GIGYF1: variants seen among roughly 807,000 people sequenced by gnomAD.
The protein encoded by GIGYF1 is GRB10 interacting GYF protein 1.
GIGYF1 carries 84 observed loss-of-function variants against 147.1 expected under a neutral mutation model. The observed-to-expected ratio is 0.57, with a 90% CI of 0.48 to 0.68. The LOEUF (loss-of-function observed/expected upper bound fraction) is 0.68. Among genes scored for constraint, GIGYF1 ranks in the 30% least tolerant of loss-of-function variants. The pLI is 0.00. For synonymous variants in GIGYF1, 752 were observed against 589.5 expected, an observed-to-expected ratio of 1.28 and a Z score of -3.99; for missense variants, 1,485 against 1,393.7, an observed-to-expected ratio of 1.07 and a Z score of -1.04.
rs756344119 is a variant in GIGYF1, at chr7:100,683,986, C to T, written c.1868+34G>A. The T allele has an allele frequency of 5.0e-6, 8 of 1,588,536 alleles. No individual in the cohort carries two copies. In the African/African-American group the frequency reaches 1.1e-4, roughly 21 times the overall value. ...CTGGTCTGCCCCCATCCCCCCCCCA[C>T]CCTGTATCCTGAGGGCTCGCACGCA... On this transcript the variant is annotated intron_variant, in intron 18 of 26. Coordinates refer to ENST00000678049, the MANE Select transcript of GIGYF1 (RefSeq NM_001375765.1).
In GIGYF1 at chr7:100,688,212, C is replaced by A. The variant is rs150145499; in HGVS notation, c.27G>T (p.Gly9=). 1 of 1,612,648 alleles carries A rather than the reference C, an allele frequency of 6.2e-7. No individual in the cohort carries two copies. The highest frequency in any genetic ancestry group is 1.3e-5 in the African/African-American group (1 of 74,694). The change falls in exon 4 of 27, where the codon GGG becomes GGT. Residue 9 remains glycine, a synonymous_variant. Coordinates refer to ENST00000678049, the MANE Select transcript of GIGYF1 (RefSeq NM_001375765.1). The stretch of plus-strand genomic sequence containing the variant: ...AGGCACAAGTGACTCACCACTCAGG[C>A]CCAAAGTTGAGTGTCTCTGCTGCCA... MAAETLNF[G]PEWLRALSGG...
At chr7:100,691,857 G>A (rs1805855394) in intron 1 of GIGYF1, among the ~76,000 whole-genome samples, 1 of 152,254 alleles carries the variant, frequency 6.6e-6, no homozygotes, top group Admixed American at 6.5e-5. Context: ...GCGAGGACAC[G>A]CTGGGCCCGG....
At chr7:100,682,560 C>A in intron 23 of GIGYF1, 30 bp downstream of exon 23, 1 of 1,591,272 alleles carries the variant, frequency 6.3e-7, no homozygotes. Context: ...CCCTCAGGGC[C>A]ATCCCGGAGC....
At position 100,682,592 on chromosome 7, in the gene GIGYF1, G is replaced by A; in HGVS notation, c.2598C>T (p.Leu866=). Residue 866 remains leucine (L), a splice_region_variant and synonymous_variant, in exon 23 of 27, where the codon CTC becomes CTT. Transcript: ENST00000678049. ...GAGCCTCCAGGTGCCACGCCCACCT[G>A]AGAGATGGGCTGCTCCGGCTGTTCT... ...GLKNSRSSPS[L]SDSYSHLSGR... 6.3e-7 allele frequency: 1 copy of A among 1,596,586 alleles called. No homozygotes were observed. The highest frequency in any genetic ancestry group is 8.5e-7 in the Non-Finnish European group (1 of 1,174,706).
At position 100,687,404 on chromosome 7, in the gene GIGYF1, G is replaced by A. The variant is rs1194643598; in HGVS notation, c.376C>T (p.Arg126Cys). Residue 126 changes from arginine (R) to cysteine (C), a missense_variant and splice_region_variant, in exon 8 of 27, where the codon CGC (arginine) becomes TGC (cysteine). By Grantham distance (180) the Arg-to-Cys change is radical. Transcript: ENST00000678049. Reference protein sequence around the residue: ...RGRGSTRSRGRGRGDSCFYQR... With the variant: ...RGRGSTRSRGCGRGDSCFYQR... ...TAAAAGCAGCTGTCACCACGGCCGC[G>A]GCCTAGAGAAGAGGCCAGACGCACA... 10 of 1,613,264 alleles carry A rather than the reference G, an allele frequency of 6.2e-6. No individual in the cohort carries two copies. The highest frequency in any genetic ancestry group is 1.6e-4 in the Middle Eastern group (1 of 6,062).
intron 22 of GIGYF1, 100 bp downstream of exon 22, chr7:100,682,904 AGAGGCTGG>A: frequency 3.1e-6 from 4 of 1,272,264 alleles, no homozygotes; most frequent in Non-Finnish European, 4.2e-6. Flanking sequence ...CCATCACAGG[AGAGGCTGG>A]GACTGGGGCT....
chr7:100,682,371 C>A lies in GIGYF1; in HGVS notation c.2712G>T (p.Gln904His). The change falls in exon 24 of 27, where the codon CAG becomes CAT. Residue 904 changes from glutamine (Q) to histidine (H), a missense_variant. Gln to His is a conservative substitution (Grantham distance 24). Transcript: ENST00000678049. ...GIPRPQDGFT[Q>H]WCEQMLHTLS... is the part of the protein sequence containing the mutation. ...GCGTGTGCAGCATCTGCTCGCACCA[C>A]TGGGTGAAGCCGTCCTGGGGCCTGG... The A allele has an allele frequency of 6.2e-7, 1 of 1,613,610 alleles. No individual in the cohort carries two copies. The highest frequency in any genetic ancestry group is 8.5e-7 in the Non-Finnish European group (1 of 1,179,958).
In GIGYF1 at chr7:100,681,516, TAAA is replaced by T; in HGVS notation, c.*200_*202del. The T allele has an allele frequency of 2.5e-6, 1 of 399,948 alleles. No homozygotes were observed. The highest frequency in any genetic ancestry group is 3.7e-5 in the East Asian group (1 of 27,280). 24.8% of individuals were successfully genotyped at this position (399,948 alleles called of 1,614,324 possible). On this transcript the variant is annotated 3_prime_UTR_variant, in exon 27 of 27. Coordinates refer to ENST00000678049, the MANE Select transcript of GIGYF1 (RefSeq NM_001375765.1). ...AGTCGTTTAAAATTAAAAAAAAAAA[TAAA>T]AAGAAAAACCCCCTCCCCCAGTCTG... is the stretch of plus-strand genomic sequence containing the variant.
rs1208855250 is a variant in GIGYF1, at chr7:100,683,635, G to A, written c.1970-3C>T. On this transcript the variant is annotated splice_polypyrimidine_tract_variant and splice_region_variant and intron_variant, in intron 19 of 26. Transcript: ENST00000678049. ...GTCCCAAAGACTGGCCTCACCACCTGCAGGGGGCAGGGGGGCAGAGGCGGC... is the reference window on the plus strand; with the variant it reads ...GTCCCAAAGACTGGCCTCACCACCTACAGGGGGCAGGGGGGCAGAGGCGGC... 1 of 1,613,544 alleles carries A rather than the reference G, an allele frequency of 6.2e-7. No homozygotes were observed. The highest frequency in any genetic ancestry group is 8.5e-7 in the Non-Finnish European group (1 of 1,179,516).
rs1215250966 is a variant in GIGYF1, at chr7:100,680,101, G to GT, written c.*1617dup. On this transcript the variant is annotated 3_prime_UTR_variant, in exon 27 of 27. Transcript: ENST00000678049. ...CACTGTGGGAACCAGGGAGAGGCAG[G>GT]TGGGGGCCCCCCACCCCGAGGCCAG... 6.6e-6 allele frequency: 1 copy of GT among 151,616 alleles called. No individual in the cohort carries two copies. The highest frequency in any genetic ancestry group is 1.5e-5 in the Non-Finnish European group (1 of 67,908). 9.4% of individuals were successfully genotyped at this position (151,616 alleles called of 1,614,324 possible). A position where few individuals can be genotyped will look rare whatever the true frequency, so the allele number is the denominator to read the frequency against.
rs752520619 is a variant in GIGYF1, at chr7:100,686,095, G to A, written c.949-16C>T. ...TGGGGCCCTTCTGCATGGGGCCGGG[G>A]TGGGGAGCAGAGAACAGCTGGGGTG... On this transcript the variant is annotated splice_polypyrimidine_tract_variant and intron_variant, in intron 11 of 26. Coordinates refer to ENST00000678049, the MANE Select transcript of GIGYF1 (RefSeq NM_001375765.1). The A allele has an allele frequency of 1.2e-6, 2 of 1,611,274 alleles. No homozygotes were observed. The highest frequency in any genetic ancestry group is 1.3e-5 in the African/African-American group (1 of 74,812).
chr7:100,682,303 C>T lies in GIGYF1; in HGVS notation c.2761+19G>A, dbSNP rs753217476. On this transcript the variant is annotated intron_variant, in intron 24 of 26. Transcript: ENST00000678049. ...TGGAGACCCAGGTCCCGCCCACCTCCTGGGAGCCGCTCGCCCACCGTCCAG... is the reference window on the plus strand; with the variant it reads ...TGGAGACCCAGGTCCCGCCCACCTCTTGGGAGCCGCTCGCCCACCGTCCAG... The T allele has an allele frequency of 3.1e-6, 5 of 1,609,854 alleles. No homozygotes were observed. The South Asian group carries it at 5.5e-5, about 18-fold the overall frequency.
At position 100,686,444 on chromosome 7, in the gene GIGYF1, A is replaced by G. The variant is rs755061103; in HGVS notation, c.695-11T>C. The G allele has an allele frequency of 1.1e-5, 17 of 1,574,126 alleles. No individual in the cohort carries two copies. Among genetic ancestry groups the G allele is most frequent in the East Asian group, 2.2e-5 (1 of 44,590 alleles). On this transcript the variant is annotated splice_polypyrimidine_tract_variant and intron_variant, in intron 10 of 26. Transcript: ENST00000678049. ...AGCGGGGACCACCATCTGCACAGGA[A>G]AAGTCAGGGAGAAGAAGAGTGGGTA...
At chr7:100,694,019 G>A (rs1433239141) in intron 1 of GIGYF1, 91 bp downstream of exon 1, 1 of 146,548 alleles carries the variant, frequency 6.8e-6, no homozygotes, top group African/African-American at 2.5e-5. Flanking sequence ...TCTCTAGCTC[G>A]CGGGCTCGGC....
intron 18 of GIGYF1, 43 bp from the exon 19 acceptor site, chr7:100,683,961 C>A: frequency 6.4e-7 from 1 of 1,569,806 alleles, no homozygotes; most frequent in South Asian, 1.2e-5. Flanking sequence ...AAATCCATCT[C>A]TGGTCTGCCC....
In GIGYF1 at chr7:100,682,120, CA is replaced by C; in HGVS notation, c.2876del (p.Leu959ArgfsTer21). On this transcript the variant is annotated frameshift_variant, in exon 25 of 27. Coordinates refer to ENST00000678049, the MANE Select transcript of GIGYF1 (RefSeq NM_001375765.1). LOFTEE classifies it high-confidence loss of function. ...TGGCTTTCTGCTTGGCCCTCCGCTC[CA>C]GGAATTGTTTGGCAAATTCTTTGGC... is the stretch of plus-strand genomic sequence containing the variant. Reference protein sequence around the residue: ...LEAKEFAKQFLERRAKQKASQ... With the variant: ...LEAKEFAKQFXERRAKQKASQ... 1 of 1,613,978 alleles carries C rather than the reference CA, an allele frequency of 6.2e-7. No individual in the cohort carries two copies. The highest frequency in any genetic ancestry group is 8.5e-7 in the Non-Finnish European group (1 of 1,179,942).
At position 100,684,091 on chromosome 7, in the gene GIGYF1, CGGT is replaced by C. The variant is rs757155032; in HGVS notation, c.1794_1796del (p.Pro602del). 6.8e-6 allele frequency: 11 copies of C among 1,606,300 alleles called. No homozygotes were observed. Among genetic ancestry groups the C allele is most frequent in the South Asian group, 2.2e-5 (2 of 90,952 alleles). Reference sequence around the variant, plus strand: ...GCTGCTGCTGCTGCTGTGGCGGCGGCGGTGGTGGCGGTGTCAGGTCCCCCAGAG... The same window carrying C: ...GCTGCTGCTGCTGCTGTGGCGGCGGCGGTGGCGGTGTCAGGTCCCCCAGAG... On this transcript the variant is annotated inframe_deletion, in exon 18 of 27. Transcript: ENST00000678049.
At position 100,680,232 on chromosome 7, in the gene GIGYF1, T is replaced by TG. The variant is rs1189343593; in HGVS notation, c.*1486dup. 2 of 139,962 alleles carry TG rather than the reference T, an allele frequency of 1.4e-5. No individual in the cohort carries two copies. The highest frequency in any genetic ancestry group is 3.1e-5 in the Non-Finnish European group (2 of 64,742). 8.7% of individuals were successfully genotyped at this position (139,962 alleles called of 1,614,324 possible). A position where few individuals can be genotyped will look rare whatever the true frequency, so the allele number is the denominator to read the frequency against. Reference sequence around the variant, plus strand: ...CAAACACCATCTTTCTGGGACTAGATGGGGAAAGAAACGGGCCACTCCCCA... The same window carrying TG: ...CAAACACCATCTTTCTGGGACTAGATGGGGGAAAGAAACGGGCCACTCCCCA... On this transcript the variant is annotated 3_prime_UTR_variant, in exon 27 of 27. Coordinates refer to ENST00000678049, the MANE Select transcript of GIGYF1 (RefSeq NM_001375765.1).
chr7:100,684,926 C>T (rs1384627929), intron 14 of GIGYF1, 32 bp from the exon 15 acceptor site: 1 of 1,602,920 alleles, frequency 6.2e-7, no homozygotes, highest in African/African-American at 1.3e-5. Context: ...AAAGGCTCAG[C>T]TGCCAATCTC....
Sources: gnomAD v4.1 joint callset for allele counts (sites outside exome capture counted in the v4.1 genomes callset) on GRCh38, gnomAD v4.1.1 for gene constraint, MANE v1.5 for transcripts, NCBI Gene and HGNC (gene_info 2026-07-23, HGNC 2026-07-21) for gene names.